Variants in SYF2 observed in about 807,000 individuals in gnomAD.
SYF2 encodes the protein SYF2 pre-mRNA splicing factor, also known as pre-mRNA-splicing factor SYF2.
SYF2 carries 21 observed loss-of-function variants against 32.7 expected under a neutral mutation model. That is an observed-to-expected ratio of 0.64 (90% CI 0.45 to 0.92). SYF2 has a LOEUF of 0.92. Ranked by LOEUF, SYF2 falls within the 40% of genes least tolerant of loss-of-function variation. The probability of loss-of-function intolerance (pLI) is 0.00; values close to 1 mark genes in which losing one functional copy is unlikely to be tolerated. For missense variants in SYF2, 278 were observed against 296.5 expected (o/e 0.94, Z 0.46); for synonymous variants, 114 against 103.9 (o/e 1.10, Z -0.59).
In SYF2 at chr1:25,228,036, G is replaced by A. The variant is rs1210260233; in HGVS notation, c.376+82C>T. 5 of 1,118,628 alleles carry A rather than the reference G, an allele frequency of 4.5e-6. No homozygotes were observed. The Admixed American group carries it at 5.6e-5, about 12-fold the overall frequency. The allele number at this position is 1,118,628 out of a possible 1,614,324, so 69.3% of individuals were successfully genotyped here. On this transcript the variant is annotated intron_variant, in intron 4 of 6. Transcript: ENST00000236273. ...AAGAATATCCCACGAAGCACAAGAGGCACATCCTTTCTTGAAACCAGAAAC... is the reference window on the plus strand; with the variant it reads ...AAGAATATCCCACGAAGCACAAGAGACACATCCTTTCTTGAAACCAGAAAC...
At chr1:25,228,960 T>A (rs376909258) in intron 3 of SYF2, 38 bp downstream of exon 3, 2 of 1,598,764 alleles carry the variant, frequency 1.3e-6, no homozygotes, top group African/African-American at 2.7e-5. Context: ...AACAGAATGA[T>A]TGACTAAATC....
At chr1:25,225,362 G>A (rs1464046972) in intron 5 of SYF2, among the ~76,000 whole-genome samples, 2 of 150,294 alleles carry the variant, frequency 1.3e-5, no homozygotes, top group East Asian at 2.0e-4. Flanking sequence ...ACCCAGTAGA[G>A]ACTGAAAATA....
At position 25,232,106 on chromosome 1, in the gene SYF2, G is replaced by A. The variant is rs542971656; in HGVS notation, c.130C>T (p.Arg44Trp). 2 of 1,613,266 alleles carry A rather than the reference G, an allele frequency of 1.2e-6. No homozygotes were observed. Among genetic ancestry groups the A allele is most frequent in the Non-Finnish European group, 1.7e-6 (2 of 1,179,754 alleles). ...AGCCGGCCTCCAAGACTACTCACCC[G>A]CATCAGGTGCAGCTCCCGGAATTTG... ...LRKFRELHLM[R>W]NEARKLNHQE... The change falls in exon 2 of 7, where the codon CGG (arginine) becomes TGG (tryptophan). Residue 44 changes from arginine (R) to tryptophan (W), a missense_variant and splice_region_variant. Physicochemically the swap from Arg to Trp is moderately radical, Grantham distance 101. Transcript: ENST00000236273.
chr1:25,224,594 C>T (rs1638470571), intron 6 of SYF2, among the ~76,000 whole-genome samples: 1 of 152,142 alleles, frequency 6.6e-6, no homozygotes, highest in Admixed American at 6.6e-5. Flanking sequence ...GTATTAACTC[C>T]TAAAATATAT....
intron 2 of SYF2, among the ~76,000 whole-genome samples, 168 bp from the exon 3 acceptor site, chr1:25,229,291 T>C (rs561067028): frequency 4.2e-4 from 64 of 152,298 alleles, no homozygotes; most frequent in African/African-American, 1.5e-3. Context: ...AATAGCCTAA[T>C]AGGGTCTACG....
intron 1 of SYF2, 110 bp from the exon 2 acceptor site, chr1:25,232,321 G>A: frequency 1.3e-6 from 2 of 1,587,834 alleles, no homozygotes; most frequent in Non-Finnish European, 1.7e-6. Context: ...CTCCACCGCC[G>A]ACTTGACCCC....
At chr1:25,228,013 G>C in intron 4 of SYF2, 105 bp downstream of exon 4, 1 of 897,238 alleles carries the variant, frequency 1.1e-6, no homozygotes, top group Non-Finnish European at 1.8e-6. Context: ...GCCTCATCAA[G>C]AATATCCCAC....
Position 25,222,443 on chromosome 1 carries a change from T to A in SYF2, c.*823A>T, listed in dbSNP as rs1355703051. On this transcript the variant is annotated 3_prime_UTR_variant, in exon 7 of 7. Transcript: ENST00000236273. ...TATAGATGAAATTATATATCTAGTA[T>A]ATGCGTCAAAATAAGAGTCATGAAG... 6.6e-6 allele frequency among the ~76,000 whole-genome samples: 1 copy of A among 151,868 alleles called. No individual in the cohort carries two copies. The highest frequency in any genetic ancestry group is 1.5e-5 in the Non-Finnish European group (1 of 68,006).
intron 3 of SYF2, 44 bp downstream of exon 3, chr1:25,228,954 G>C: frequency 6.3e-7 from 1 of 1,595,364 alleles, no homozygotes; most frequent in Non-Finnish European, 8.5e-7. Context: ...TGATACAACA[G>C]AATGATTGAC....
chr1:25,224,935 G>A lies in SYF2; in HGVS notation c.566+67C>T, dbSNP rs112135602. ...TTCATTCTAAGCACGTCAGATATAG[G>A]TGCATATTCTAAGTGCATTTTGTCA... On this transcript the variant is annotated intron_variant, in intron 6 of 6. Coordinates refer to ENST00000236273, the MANE Select transcript of SYF2 (RefSeq NM_015484.5). The A allele has an allele frequency of 7.2e-5, 77 of 1,072,574 alleles. No individual in the cohort carries two copies. The African/African-American group carries it at 7.6e-4, about 11-fold the overall frequency. 66.4% of individuals were successfully genotyped at this position (1,072,574 alleles called of 1,614,324 possible). A position where few individuals can be genotyped will look rare whatever the true frequency, so the allele number is the denominator to read the frequency against.
chr1:25,228,262 T>A, intron 3 of SYF2, 27 bp from the exon 4 acceptor site: 1 of 1,548,126 alleles, frequency 6.5e-7, no homozygotes, highest in Non-Finnish European at 8.9e-7. Context: ...AGCTGACACC[T>A]ACAATTATGA....
intron 5 of SYF2, among the ~76,000 whole-genome samples, chr1:25,226,438 C>T (rs767835199): frequency 6.6e-6 from 1 of 152,236 alleles, no homozygotes; most frequent in Non-Finnish European, 1.5e-5. Flanking sequence ...TGCACTGCAG[C>T]AGCACAGCTG....
chr1:25,229,835 G>C (rs1332058872), intron 2 of SYF2, among the ~76,000 whole-genome samples: 1 of 117,540 alleles, frequency 8.5e-6, no homozygotes, highest in Non-Finnish European at 1.8e-5. Context: ...TTTTTTTTTT[G>C]AGACAGAGTC....
rs1352798953 is a variant in SYF2 at position 25,232,123 on chromosome 1, CG to C, written c.112del (p.Arg38GlyfsTer5). 2 of 1,613,894 alleles carry C rather than the reference CG, an allele frequency of 1.2e-6. No homozygotes were observed. Among genetic ancestry groups the C allele is most frequent in the Non-Finnish European group, 1.7e-6 (2 of 1,180,004 alleles). ...QKREQRLRKF[R>X]ELHLMRNEAR... ...ACTCACCCGCATCAGGTGCAGCTCC[CG>C]GAATTTGCGCAGTCTCTGTTCGCGC... On this transcript the variant is annotated frameshift_variant, in exon 2 of 7. Coordinates refer to ENST00000236273, the MANE Select transcript of SYF2 (RefSeq NM_015484.5). LOFTEE classifies it high-confidence loss of function.
Position 25,223,417 on chromosome 1 carries a change from T to G in SYF2, c.581A>C (p.Asp194Ala). ...IDLEKQIEKRDKYSRRRPYND... is the reference protein window; with the variant it reads ...IDLEKQIEKRAKYSRRRPYND... The stretch of plus-strand genomic sequence containing the variant: ...ATAAGGACGTCTCCGGCTATATTTG[T>G]CTCGTTTTTCAATCCTGGGGAAAGA... The change falls in exon 7 of 7, where the codon GAC (aspartate) becomes GCC (alanine). Residue 194 changes from aspartate (D) to alanine (A), a missense_variant. Transcript: ENST00000236273. 1 of 1,606,864 alleles carries G rather than the reference T, an allele frequency of 6.2e-7. No homozygotes were observed. Among genetic ancestry groups the G allele is most frequent in the Non-Finnish European group, 8.5e-7 (1 of 1,177,394 alleles).
chr1:25,231,830 G>C, intron 2 of SYF2: 1 of 537,338 alleles, frequency 1.9e-6, no homozygotes, highest in Admixed American at 3.2e-5. Flanking sequence ...GGAGCAGGGA[G>C]GTTGTTAGTA....
In SYF2 at chr1:25,223,230, C is replaced by T. The variant is rs751159633; in HGVS notation, c.*36G>A. 6.5e-7 allele frequency: 1 copy of T among 1,538,156 alleles called. No individual in the cohort carries two copies. The highest frequency in any genetic ancestry group is 2.1e-5 in the Admixed American group (1 of 47,816). On this transcript the variant is annotated 3_prime_UTR_variant, in exon 7 of 7. Coordinates refer to ENST00000236273, the MANE Select transcript of SYF2 (RefSeq NM_015484.5). ...GATTTTGCTAGCAGAAATTTTTACC[C>T]CATTCTCAAGCTTCTATAAACAGTT...
intron 6 of SYF2, 115 bp downstream of exon 6, chr1:25,224,887 C>A (rs1197846562): frequency 1.2e-6 from 1 of 801,792 alleles, no homozygotes; most frequent in East Asian, 2.6e-5. Flanking sequence ...GCAAGTATAA[C>A]TGTACAATTT....
At position 25,222,468 on chromosome 1, in the gene SYF2, G is replaced by A. The variant is rs968630766; in HGVS notation, c.*798C>T. Among the ~76,000 whole-genome samples, 1 of 151,664 alleles carries A rather than the reference G, an allele frequency of 6.6e-6. No individual in the cohort carries two copies. The highest frequency in any genetic ancestry group is 6.6e-5 in the Admixed American group (1 of 15,156). On this transcript the variant is annotated 3_prime_UTR_variant, in exon 7 of 7. Transcript: ENST00000236273. ...TATGCGTCAAAATAAGAGTCATGAA[G>A]AAAGTAAATGGAAATAAAGATGAAG...
Sources: gnomAD v4.1 joint callset for allele counts (sites outside exome capture counted in the v4.1 genomes callset) on GRCh38, gnomAD v4.1.1 for gene constraint, MANE v1.5 for transcripts, NCBI Gene and HGNC (gene_info 2026-07-23, HGNC 2026-07-21) for gene names.